HECW1: variants seen among roughly 807,000 people sequenced by gnomAD.
HECW1 encodes the protein E3 ubiquitin-protein ligase HECW1.
A neutral mutation model predicts 182.3 loss-of-function variants in HECW1; 61 were observed. That is an observed-to-expected ratio of 0.33 (90% CI 0.27 to 0.41). The LOEUF is 0.41. Ranked by LOEUF, HECW1 falls within the 10% of genes least tolerant of loss-of-function variation. The pLI is 1.00. For missense variants in HECW1, 1,739 were observed against 2,108.9 expected (o/e 0.82, Z 3.44); for synonymous variants, 859 against 832.6 (o/e 1.03, Z -0.55).
rs2152826368 is a variant in HECW1, at chr7:43,379,566, T to C, written c.556-17248T>C. Among the ~76,000 whole-genome samples the C allele has an allele frequency of 1.3e-5, 2 of 152,204 alleles. 1 individual carries two copies. Among genetic ancestry groups the C allele is most frequent in the Non-Finnish European group, 2.9e-5 (2 of 68,032 alleles). ...GTGGCTTTTTCACCATCATTCCTGC[T>C]GCTCTGCCCTTGCCTGACACTGCCT... On this transcript the variant is annotated intron_variant, in intron 6 of 29. Coordinates refer to ENST00000395891, the MANE Select transcript of HECW1 (RefSeq NM_015052.5).
At chr7:43,162,945 G>A (rs1790706394) in intron 2 of HECW1, 1 of 152,226 alleles carries the variant, frequency 6.6e-6, no homozygotes, top group African/African-American at 2.4e-5. Context: ...ATGAGTCTTA[G>A]AGAAGTCAAA....
At chr7:43,309,292 G>T (rs954556673) in intron 3 of HECW1, among the ~76,000 whole-genome samples, 7 of 152,192 alleles carry the variant, frequency 4.6e-5, no homozygotes, top group Non-Finnish European at 1.0e-4. Context: ...TGCAAAGACA[G>T]GGTGGTGGGA....
chr7:43,296,536 C>A (rs1040864308), intron 3 of HECW1, among the ~76,000 whole-genome samples: 28 of 152,274 alleles, frequency 1.8e-4, no homozygotes, highest in African/African-American at 6.5e-4. Flanking sequence ...GCTGCGGAAG[C>A]CTCAAGTTGA....
At chr7:43,404,983 AT>A (rs1278275741) in intron 7 of HECW1, among the ~76,000 whole-genome samples, 5 of 152,036 alleles carry the variant, frequency 3.3e-5, no homozygotes, top group African/African-American at 7.3e-5. Context: ...TGTCAAAAAA[AT>A]CAAACAAAAA....
intron 2 of HECW1, among the ~76,000 whole-genome samples, chr7:43,179,580 T>TGTC (rs575712133): frequency 0.059 from 9,033 of 152,186 alleles, 424 homozygotes; most frequent in Non-Finnish European, 0.088. Flanking sequence ...TTGTTGTTGT[T>TGTC]GTCGTTTTTG....
chr7:43,420,184 T>G (rs986639092), intron 8 of HECW1, among the ~76,000 whole-genome samples: 1 of 152,194 alleles, frequency 6.6e-6, no homozygotes, highest in Non-Finnish European at 1.5e-5. Context: ...TAGCAGATAT[T>G]TAGGAATGTT....
chr7:43,561,327 T>G (rs191071085), intron 29 of HECW1, among the ~76,000 whole-genome samples: 2 of 152,270 alleles, frequency 1.3e-5, no homozygotes, highest in Admixed American at 1.3e-4. Flanking sequence ...GTCAGACTTG[T>G]CTCCAGAGCA....
intron 26 of HECW1, among the ~76,000 whole-genome samples, chr7:43,546,193 A>G (rs904191496): frequency 4.6e-5 from 6 of 130,236 alleles, no homozygotes; most frequent in African/African-American, 1.7e-4. Flanking sequence ...TCCAAGATCT[A>G]TATCTTGAAA....
intron 11 of HECW1, among the ~76,000 whole-genome samples, chr7:43,447,648 G>A (rs746175764): frequency 5.3e-5 from 8 of 152,206 alleles, no homozygotes; most frequent in Non-Finnish European, 8.8e-5. Context: ...CAGGCTAACC[G>A]TGTCTGCATT....
At chr7:43,146,536 T>G (rs1295034225) in intron 2 of HECW1, among the ~76,000 whole-genome samples, 2 of 152,234 alleles carry the variant, frequency 1.3e-5, no homozygotes, top group East Asian at 3.8e-4. Flanking sequence ...AGAAAGGGAA[T>G]GGAACATTTA....
At chr7:43,431,222 G>A (rs184716478) in intron 8 of HECW1, among the ~76,000 whole-genome samples, 48 of 151,998 alleles carry the variant, frequency 3.2e-4, no homozygotes, top group African/African-American at 1.0e-3. Flanking sequence ...CACTTATACC[G>A]TAGAACTTGT....
chr7:43,114,864 G>C (rs1343619711), intron 2 of HECW1, among the ~76,000 whole-genome samples: 1 of 152,192 alleles, frequency 6.6e-6, no homozygotes, highest in Non-Finnish European at 1.5e-5. Flanking sequence ...AGGGACTGCA[G>C]CTCTGTTATT....
At chr7:43,191,834 A>G (rs1793942005) in intron 2 of HECW1, among the ~76,000 whole-genome samples, 2 of 152,358 alleles carry the variant, frequency 1.3e-5, no homozygotes, top group South Asian at 2.1e-4. Flanking sequence ...ATTATGCAGT[A>G]GAATAGGAGG....
At position 43,445,256 on chromosome 7, in the gene HECW1, GCTCGTGCTACAGCGC is replaced by G. The variant is rs754299049; in HGVS notation, c.2098_2112del (p.Ala700_Ser704del). The G allele has an allele frequency of 1.9e-6, 3 of 1,612,448 alleles. No homozygotes were observed. The highest frequency in any genetic ancestry group is 1.1e-5 in the South Asian group (1 of 91,040). On this transcript the variant is annotated inframe_deletion, in exon 11 of 30. Coordinates refer to ENST00000395891, the MANE Select transcript of HECW1 (RefSeq NM_015052.5). ...TGCTACAGCACGTCCTGCTACAGCA[GCTCGTGCTACAGCGC>G]CTCGTGCTACAGCCCCTCCTGCTAC... is the stretch of plus-strand genomic sequence containing the variant.
At chr7:43,460,324 T>C (rs967113030) in intron 13 of HECW1, among the ~76,000 whole-genome samples, 1 of 152,216 alleles carries the variant, frequency 6.6e-6, no homozygotes, top group Non-Finnish European at 1.5e-5. Flanking sequence ...GAGGTGCTCC[T>C]CGTATTTTGA....
At chr7:43,446,074 G>C (rs186927986) in intron 11 of HECW1, among the ~76,000 whole-genome samples, 4 of 152,258 alleles carry the variant, frequency 2.6e-5, no homozygotes, top group African/African-American at 9.6e-5. Context: ...GCCCATGTAC[G>C]TACATATAGA....
At chr7:43,159,511 C>G (rs1312495929) in intron 2 of HECW1, among the ~76,000 whole-genome samples, 1 of 152,038 alleles carries the variant, frequency 6.6e-6, no homozygotes, top group African/African-American at 2.4e-5. Flanking sequence ...AAAAAAATTT[C>G]TAAAAAGTAG....
chr7:43,372,880 G>A (rs1461541411), intron 6 of HECW1, among the ~76,000 whole-genome samples: 2 of 151,926 alleles, frequency 1.3e-5, no homozygotes, highest in Non-Finnish European at 2.9e-5. Context: ...TCCAGAGCAG[G>A]GGTCAGACGC....
At chr7:43,228,131 G>A (rs980805328) in intron 2 of HECW1, among the ~76,000 whole-genome samples, 1 of 152,174 alleles carries the variant, frequency 6.6e-6, no homozygotes, top group Admixed American at 6.5e-5. Flanking sequence ...TTAACAGCCA[G>A]ATACACAAAA....
Sources: allele counts gnomAD v4.1 joint callset (sites outside exome capture counted in the v4.1 genomes callset), GRCh38; gene constraint gnomAD v4.1.1; transcripts MANE v1.5; gene names NCBI Gene and HGNC (gene_info 2026-07-23, HGNC 2026-07-21).